MTNAP1: variants seen among roughly 807,000 people sequenced by gnomAD.
MTNAP1 encodes mitochondrial nucleoid associated protein 1.
the MTNAP1 span, chr17:73,248,169 T>C: frequency 0.026 from 7,680 of 291,356 alleles, 401 homozygotes; most frequent in African/African-American, 0.12. Flanking sequence ...AAAATTCCTA[T>C]CAGTTCATTT....
the MTNAP1 span, among the ~76,000 whole-genome samples, chr17:73,239,559 C>G: frequency 7.7e-5 from 11 of 143,728 alleles, no homozygotes; most frequent in Non-Finnish European, 1.5e-4. Flanking sequence ...TGCTCTGTCT[C>G]CCAGGCTGGA....
At chr17:73,236,131 C>A in the MTNAP1 span, 1 of 1,614,144 alleles carries the variant, frequency 6.2e-7, no homozygotes, top group Non-Finnish European at 8.5e-7. Flanking sequence ...ACAGGAACTT[C>A]TAGTAAAATT....
At chr17:73,245,539 A>T in the MTNAP1 span, 1 of 985,422 alleles carries the variant, frequency 1.0e-6, no homozygotes, top group Non-Finnish European at 1.2e-6. Flanking sequence ...GTAAAAAGCT[A>T]GTATCTCATT....
the MTNAP1 span, chr17:73,236,402 G>GT: frequency 1.9e-6 from 3 of 1,614,126 alleles, no homozygotes; most frequent in Non-Finnish European, 2.5e-6. Flanking sequence ...GTAGAGACGT[G>GT]TGGGAGCAAA....
the MTNAP1 span, chr17:73,242,361 G>A: frequency 1.3e-6 from 2 of 1,521,814 alleles, no homozygotes; most frequent in South Asian, 2.4e-5. Context: ...GGTGAGGCTG[G>A]AGTTTGACTG....
At chr17:73,235,157 T>A in the MTNAP1 span, among the ~76,000 whole-genome samples, 3 of 151,930 alleles carry the variant, frequency 2.0e-5, no homozygotes, top group Non-Finnish European at 4.4e-5. Context: ...GAGGCGGAGT[T>A]TGCAGTGAGC....
the MTNAP1 span, chr17:73,247,308 T>G: frequency 6.2e-7 from 1 of 1,614,150 alleles, no homozygotes. Context: ...CGAAGACGAC[T>G]GGGGATTGCC....
chr17:73,245,531 A>G, the MTNAP1 span: 2 of 985,420 alleles, frequency 2.0e-6, no homozygotes, highest in South Asian at 4.7e-5. Flanking sequence ...ACTTCTCAGT[A>G]AAAAGCTAGT....
the MTNAP1 span, chr17:73,242,385 C>T: frequency 1.0e-3 from 1,482 of 1,434,384 alleles, 32 homozygotes; most frequent in Admixed American, 0.032. Context: ...TCTTCTGTTG[C>T]AGGTTCTGGG....
the MTNAP1 span, chr17:73,247,425 C>T: frequency 7.3e-7 from 1 of 1,365,654 alleles, no homozygotes; most frequent in Non-Finnish European, 1.0e-6. Context: ...TGCCCTGTAA[C>T]ACCTAAGTGT....
the MTNAP1 span, chr17:73,235,578 A>C: frequency 6.2e-7 from 1 of 1,614,036 alleles, no homozygotes; most frequent in East Asian, 2.2e-5. Flanking sequence ...AGATGATAGG[A>C]CCAACCATAC....
chr17:73,235,863 A>T, the MTNAP1 span: 4 of 1,614,098 alleles, frequency 2.5e-6, no homozygotes, highest in Non-Finnish European at 3.4e-6. Flanking sequence ...AAAATACTAA[A>T]CCAATGACTA....
chr17:73,241,250 T>C, the MTNAP1 span, among the ~76,000 whole-genome samples: 1 of 152,284 alleles, frequency 6.6e-6, no homozygotes, highest in East Asian at 1.9e-4. Flanking sequence ...CTCCGCCTCC[T>C]GGGTTCACGC....
At chr17:73,236,793 TCA>T in the MTNAP1 span, 1 of 1,614,164 alleles carries the variant, frequency 6.2e-7, no homozygotes, top group South Asian at 1.1e-5. Flanking sequence ...CAGCCCAGCG[TCA>T]CACTCCTCAG....
the MTNAP1 span, chr17:73,244,545 G>A: frequency 9.8e-6 from 1 of 102,542 alleles, no homozygotes; most frequent in African/African-American, 3.7e-5. Flanking sequence ...TGGGCAACAA[G>A]TGAAACTGCA....
chr17:73,248,485 A>G, the MTNAP1 span: 1 of 1,551,606 alleles, frequency 6.4e-7, no homozygotes, highest in Non-Finnish European at 8.7e-7. Context: ...GCTAGGTAAG[A>G]AGCAACGCTT....
chr17:73,235,633 C>T, the MTNAP1 span: 36 of 1,613,966 alleles, frequency 2.2e-5, no homozygotes, highest in African/African-American at 1.6e-4. Context: ...TACACTCCCA[C>T]GTGCTAAAAA....
chr17:73,240,384 G>C, the MTNAP1 span, among the ~76,000 whole-genome samples: 3 of 152,138 alleles, frequency 2.0e-5, no homozygotes, highest in African/African-American at 7.2e-5. Context: ...AGACTTTGAT[G>C]TTACCACCAA....
the MTNAP1 span, chr17:73,248,724 TCA>T: frequency 1.6e-6 from 1 of 635,004 alleles, no homozygotes; most frequent in South Asian, 1.9e-5. Context: ...CGGCTGTAAC[TCA>T]CACGTGGTCT....
Sources: gnomAD v4.1 joint callset for allele counts (sites outside exome capture counted in the v4.1 genomes callset) on GRCh38, gnomAD v4.1.1 for gene constraint, MANE v1.5 for transcripts, NCBI Gene and HGNC (gene_info 2026-07-23, HGNC 2026-07-21) for gene names.